Variants in USP12 observed in about 807,000 individuals in gnomAD.
USP12 encodes ubiquitin carboxyl-terminal hydrolase 12.
A neutral mutation model predicts 45.5 loss-of-function variants in USP12; 19 were observed. The observed-to-expected ratio is 0.42, with a 90% CI of 0.29 to 0.61. The LOEUF (loss-of-function observed/expected upper bound fraction) is 0.61. USP12 is among the 20% of genes least tolerant of loss of function. The pLI, the probability that USP12 is intolerant of heterozygous loss-of-function variation, is 0.22. For synonymous variants in USP12, 149 were observed against 148.8 expected (o/e 1.00, Z -0.01); for missense variants, 242 against 447.7 (o/e 0.54, Z 4.15).
At chr13:27,076,931 C>T (rs1360868119) in intron 6 of USP12, among the ~76,000 whole-genome samples, 1 of 152,136 alleles carries the variant, frequency 6.6e-6, no homozygotes, top group Non-Finnish European at 1.5e-5. Context: ...AAATTAGGAG[C>T]CTTTATGGCC....
rs751117342 is a variant in USP12, at chr13:27,089,981, A to C, written c.651-15T>G. 6.2e-7 allele frequency: 1 copy of C among 1,602,154 alleles called. No individual in the cohort carries two copies. The highest frequency in any genetic ancestry group is 1.3e-5 in the African/African-American group (1 of 74,696). Reference sequence around the variant, plus strand: ...TGCTGAAACCCCTGTGTGAAATTCAAAACAAATTTATTTTGTAGATACCAG... The same window carrying C: ...TGCTGAAACCCCTGTGTGAAATTCACAACAAATTTATTTTGTAGATACCAG... On this transcript the variant is annotated splice_polypyrimidine_tract_variant and intron_variant, in intron 5 of 8. Coordinates refer to ENST00000282344, the MANE Select transcript of USP12 (RefSeq NM_182488.4).
At chr13:27,072,568 T>C (rs1873294960) in intron 7 of USP12, among the ~76,000 whole-genome samples, 1 of 152,098 alleles carries the variant, frequency 6.6e-6, no homozygotes, top group African/African-American at 2.4e-5. Flanking sequence ...ATTAAAGAGA[T>C]ACCAACAACT....
At chr13:27,137,082 G>T (rs996478195) in intron 1 of USP12, among the ~76,000 whole-genome samples, 11 of 152,168 alleles carry the variant, frequency 7.2e-5, no homozygotes, top group Admixed American at 7.2e-4. Flanking sequence ...CAAAGATAGT[G>T]AACAAACTGC....
intron 1 of USP12, among the ~76,000 whole-genome samples, chr13:27,157,453 C>A (rs1328420066): frequency 1.3e-5 from 2 of 152,090 alleles, no homozygotes; most frequent in East Asian, 3.9e-4. Flanking sequence ...ATCAGAAGTA[C>A]TTTTCATTAG....
chr13:27,121,453 C>A (rs191557487), intron 1 of USP12, among the ~76,000 whole-genome samples: 2 of 152,220 alleles, frequency 1.3e-5, no homozygotes, highest in Non-Finnish European at 2.9e-5. Flanking sequence ...AGAATTCCTA[C>A]AAATACAAGC....
At chr13:27,116,388 C>A in intron 2 of USP12, 128 bp downstream of exon 2, 1 of 606,966 alleles carries the variant, frequency 1.6e-6, no homozygotes, top group Non-Finnish European at 2.4e-6. Flanking sequence ...AATTCCCAAT[C>A]AAGTCTCTTA....
intron 1 of USP12, among the ~76,000 whole-genome samples, chr13:27,137,882 G>A (rs1370332722): frequency 6.6e-6 from 1 of 152,372 alleles, no homozygotes; most frequent in East Asian, 1.9e-4. Flanking sequence ...CTGCCGCGCT[G>A]AGAGGACTTA....
At chr13:27,156,013 GC>G (rs1392558280) in intron 1 of USP12, among the ~76,000 whole-genome samples, 3 of 152,038 alleles carry the variant, frequency 2.0e-5, no homozygotes, top group Non-Finnish European at 2.9e-5. Flanking sequence ...GTATTCTGAA[GC>G]CCTAATGAAA....
chr13:27,169,297 C>G (rs75104322), intron 1 of USP12, among the ~76,000 whole-genome samples: 2,263 of 152,230 alleles, frequency 0.015, 24 homozygotes, highest in Middle Eastern at 0.027. Flanking sequence ...GCTTAAGAGA[C>G]AGGCACACAC....
chr13:27,136,605 A>G (rs1032660832), intron 1 of USP12, among the ~76,000 whole-genome samples: 3 of 152,352 alleles, frequency 2.0e-5, no homozygotes, highest in East Asian at 1.9e-4. Flanking sequence ...GTTAGTTTGT[A>G]GAGTCAACTC....
chr13:27,102,784 T>C (rs182323472), intron 3 of USP12, among the ~76,000 whole-genome samples: 1,560 of 152,234 alleles, frequency 0.01, 23 homozygotes, highest in East Asian at 0.041. Flanking sequence ...GCTGTCTGCT[T>C]CCCCACGAGG....
chr13:27,135,428 G>A (rs1876758119), intron 1 of USP12, among the ~76,000 whole-genome samples: 1 of 152,124 alleles, frequency 6.6e-6, no homozygotes, highest in Non-Finnish European at 1.5e-5. Flanking sequence ...TTGGGTCTAT[G>A]GAGGCCGGGC....
Position 27,067,122 on chromosome 13 carries a change from C to T in USP12, c.*2161G>A, listed in dbSNP as rs936355073. 2.2e-4 allele frequency: 34 copies of T among 151,850 alleles called. No individual in the cohort carries two copies. Among genetic ancestry groups the T allele is most frequent in the African/African-American group, 2.4e-4 (10 of 41,336 alleles). The allele number at this position is 151,850 out of a possible 1,614,324, so 9.4% of individuals were successfully genotyped here. ...AATATGAAATTTAACTTGGCTTTTA[C>T]GGCATGTTTTTTTTTAATGCAAAAA... On this transcript the variant is annotated 3_prime_UTR_variant, in exon 9 of 9. Coordinates refer to ENST00000282344, the MANE Select transcript of USP12 (RefSeq NM_182488.4).
rs1372438961 is a variant in USP12, at chr13:27,129,057, TTACA to T, written c.49-12465_49-12462del. Among the ~76,000 whole-genome samples, 1 of 152,158 alleles carries T rather than the reference TTACA, an allele frequency of 6.6e-6. No individual in the cohort carries two copies. The highest frequency in any genetic ancestry group is 1.5e-5 in the Non-Finnish European group (1 of 68,024). Reference sequence around the variant, plus strand: ...AATAAAAAGCAAATTATCATCAAACTTACATAGTTTTATCAAATACTCGGAATAT... The same window carrying T: ...AATAAAAAGCAAATTATCATCAAACTTAGTTTTATCAAATACTCGGAATAT... On this transcript the variant is annotated intron_variant, in intron 1 of 8. Transcript: ENST00000282344. This position sits in a 1 kb window ranked among gnomAD's most constrained non-coding sequence, Gnocchi z 4.0.
At chr13:27,084,422 C>T (rs1038044312) in intron 6 of USP12, among the ~76,000 whole-genome samples, 2 of 149,160 alleles carry the variant, frequency 1.3e-5, no homozygotes, top group Non-Finnish European at 3.0e-5. Flanking sequence ...AGGAGAATCG[C>T]TTGAACCCGG....
chr13:27,138,444 G>C (rs1335734855), intron 1 of USP12, among the ~76,000 whole-genome samples: 1 of 152,204 alleles, frequency 6.6e-6, no homozygotes, highest in South Asian at 2.1e-4. Context: ...TGTATCCCCT[G>C]TATCGCCCTC....
At chr13:27,170,051 GATA>G (rs1169501509) in intron 1 of USP12, 2 of 343,842 alleles carry the variant, frequency 5.8e-6, no homozygotes, top group East Asian at 4.3e-5. Context: ...AATTGACTAA[GATA>G]ATAATTGGCG....
At position 27,152,714 on chromosome 13, in the gene USP12, G is replaced by A. The variant is rs561691376; in HGVS notation, c.48+18878C>T. On this transcript the variant is annotated intron_variant, in intron 1 of 8. Transcript: ENST00000282344. The stretch of plus-strand genomic sequence containing the variant: ...TCCCAGCACTTTGGGAGGCCGAGGC[G>A]GGTGGATCACGAGGTCAGGAGATAG... Among the ~76,000 whole-genome samples, 4 of 151,104 alleles carry A rather than the reference G, an allele frequency of 2.6e-5. No individual in the cohort carries two copies. In the East Asian group the frequency reaches 6.0e-4, roughly 23 times the overall value.
chr13:27,148,871 C>T (rs1877441360), intron 1 of USP12, among the ~76,000 whole-genome samples: 1 of 148,156 alleles, frequency 6.7e-6, no homozygotes, highest in South Asian at 2.1e-4. Flanking sequence ...GAAAAGAATT[C>T]CTCTCTGAAT....
Sources: gnomAD v4.1 joint callset for allele counts (sites outside exome capture counted in the v4.1 genomes callset) on GRCh38, gnomAD v4.1.1 for gene constraint, Gnocchi (gnomAD v3.1) non-coding constraint, MANE v1.5 for transcripts, NCBI Gene and HGNC (gene_info 2026-07-23, HGNC 2026-07-21) for gene names.